SHROOM3: variants seen among roughly 807,000 people sequenced by gnomAD.
The protein encoded by SHROOM3 is protein Shroom3.
Under a neutral mutation model 138.6 loss-of-function variants are expected in SHROOM3, and 47 were observed. The ratio of observed to expected loss-of-function variants is 0.34; its 90% CI spans 0.27 to 0.43. SHROOM3 has a LOEUF of 0.43. SHROOM3 is among the 20% of genes least tolerant of loss of function. The probability of loss-of-function intolerance (pLI) is 1.00; values close to 1 mark genes in which losing one functional copy is unlikely to be tolerated. For missense variants in SHROOM3, 2,491 were observed against 2,596.5 expected (o/e 0.96, Z 0.88); for synonymous variants, 1,062 against 1,063.3 (o/e 1.00, Z 0.02).
chr4:76,631,930 G>C (rs994722322), intron 2 of SHROOM3, among the ~76,000 whole-genome samples: 1 of 152,136 alleles, frequency 6.6e-6, no homozygotes, highest in Non-Finnish European at 1.5e-5. Context: ...CTGAAGTGAT[G>C]AAATTTGGGA....
chr4:76,539,556 G>A (rs897481527), intron 1 of SHROOM3, among the ~76,000 whole-genome samples: 1 of 152,104 alleles, frequency 6.6e-6, no homozygotes, highest in African/African-American at 2.4e-5. Context: ...AACATTTATT[G>A]GGCATTTATT....
chr4:76,654,646 G>A (rs1345980815), intron 2 of SHROOM3, among the ~76,000 whole-genome samples: 1 of 152,094 alleles, frequency 6.6e-6, no homozygotes, highest in Admixed American at 6.5e-5. Flanking sequence ...TGGGAAATAG[G>A]GGACAGGATT....
At chr4:76,554,421 T>G (rs1433957256) in intron 1 of SHROOM3, among the ~76,000 whole-genome samples, 4 of 30,066 alleles carry the variant, frequency 1.3e-4, no homozygotes, top group African/African-American at 4.2e-4. Context: ...TTGTTTGTGT[T>G]TTTTTTTTTT....
chr4:76,725,631 C>T (rs763291843), intron 3 of SHROOM3, among the ~76,000 whole-genome samples: 4 of 152,232 alleles, frequency 2.6e-5, no homozygotes, highest in Non-Finnish European at 5.9e-5. Flanking sequence ...TCACCTCCCT[C>T]ACTTCTCCCT....
At chr4:76,759,866 T>A (rs1374562888) in intron 9 of SHROOM3, among the ~76,000 whole-genome samples, 171 bp downstream of exon 9, 1 of 152,162 alleles carries the variant, frequency 6.6e-6, no homozygotes, top group Non-Finnish European at 1.5e-5. Flanking sequence ...TTTAACTAAT[T>A]TCCTCTTAGC....
In SHROOM3 at chr4:76,673,781, T is replaced by A. The variant is rs1044831562; in HGVS notation, c.324-36375T>A. The stretch of plus-strand genomic sequence containing the variant: ...TATATTCACATTGTGGTACAACAGA[T>A]CTCCTGAACTTTTTCATCTTGCAAA... On this transcript the variant is annotated intron_variant, in intron 2 of 10. Coordinates refer to ENST00000296043, the MANE Select transcript of SHROOM3 (RefSeq NM_020859.4). 2.6e-5 allele frequency among the ~76,000 whole-genome samples: 4 copies of A among 152,230 alleles called. No homozygotes were observed. The South Asian group carries it at 8.3e-4, about 32-fold the overall frequency.
At chr4:76,682,099 G>A (rs1477838478) in intron 2 of SHROOM3, among the ~76,000 whole-genome samples, 1 of 152,134 alleles carries the variant, frequency 6.6e-6, no homozygotes, top group Non-Finnish European at 1.5e-5. Context: ...AGAAAAACTG[G>A]CTCTAATTGA....
chr4:76,541,625 G>GCACACACACA (rs149127524), intron 1 of SHROOM3, among the ~76,000 whole-genome samples: 2 of 148,556 alleles, frequency 1.3e-5, no homozygotes, highest in Non-Finnish European at 3.0e-5. Flanking sequence ...ATATGTGGGC[G>GCACACACACA]CACACACACA....
intron 2 of SHROOM3, among the ~76,000 whole-genome samples, chr4:76,687,986 C>A (rs1013244885): frequency 2.6e-5 from 4 of 152,216 alleles, no homozygotes; most frequent in South Asian, 2.1e-4. Context: ...TACTCCCCCC[C>A]ACGCGCAATG....
intron 9 of SHROOM3, among the ~76,000 whole-genome samples, chr4:76,760,930 T>C (rs542919229): frequency 1.7e-4 from 26 of 152,178 alleles, no homozygotes; most frequent in Non-Finnish European, 2.9e-4. Context: ...TTTTACACAA[T>C]TTTTTTGTTA....
rs751201196 is a variant in SHROOM3, at chr4:76,740,245, G to A, written c.2072G>A (p.Gly691Asp). The A allele has an allele frequency of 8.1e-6, 13 of 1,613,312 alleles. No homozygotes were observed. Among genetic ancestry groups the A allele is most frequent in the Non-Finnish European group, 1.1e-5 (13 of 1,180,038 alleles). The change falls in exon 5 of 11, where the codon GGC (glycine) becomes GAC (aspartate). Residue 691 changes from glycine (G) to aspartate (D), a missense_variant. By Grantham distance (94) the Gly-to-Asp change is moderately conservative. Around this residue, in one of 4 missense-constraint regions of SHROOM3, gnomAD observed 1,733 missense variants for 1,661.6 expected, o/e 1.04. Coordinates refer to ENST00000296043, the MANE Select transcript of SHROOM3 (RefSeq NM_020859.4). The surrounding 1 kb of genome is among the most constrained non-coding windows in gnomAD (Gnocchi z 4.0). The part of the protein sequence containing the change: ...GRGTQEGYPG[G>D]RPTCAVNTKA... ...GGAACCCAGGAGGGTTACCCCGGGG[G>A]CAGGCCCACCTGTGCAGTCAACACC...
At chr4:76,558,390 G>T (rs79362478) in intron 2 of SHROOM3, among the ~76,000 whole-genome samples, 1 of 152,148 alleles carries the variant, frequency 6.6e-6, no homozygotes, top group East Asian at 1.9e-4. Context: ...AGTACACAGT[G>T]GATATGCAAT....
intron 2 of SHROOM3, among the ~76,000 whole-genome samples, chr4:76,608,518 G>T (rs1353632661): frequency 6.9e-6 from 1 of 144,306 alleles, no homozygotes; most frequent in Non-Finnish European, 1.5e-5. Flanking sequence ...TTGATTGATT[G>T]GACAGAGATG....
chr4:76,739,833 C>G lies in SHROOM3; in HGVS notation c.1660C>G (p.Pro554Ala). Residue 554 changes from proline to alanine, a missense_variant, in exon 5 of 11, where the codon CCC becomes GCC. Around this residue, in one of 4 missense-constraint regions of SHROOM3, gnomAD observed 1,733 missense variants for 1,661.6 expected, o/e 1.04. Transcript: ENST00000296043. ...ACCAGAAGCTACAGCCAAGTATGTC[C>G]CCTCCAAAGTCCATTTCTGTTCAGT... The part of the protein sequence containing the change: ...KKPEATAKYV[P>A]SKVHFCSVPE... 6.2e-7 allele frequency: 1 copy of G among 1,614,182 alleles called. No individual in the cohort carries two copies. The highest frequency in any genetic ancestry group is 8.5e-7 in the Non-Finnish European group (1 of 1,180,038).
intron 2 of SHROOM3, among the ~76,000 whole-genome samples, chr4:76,585,464 T>C (rs1734133406): frequency 6.6e-6 from 1 of 152,208 alleles, no homozygotes; most frequent in Non-Finnish European, 1.5e-5. Flanking sequence ...AGCTGACCCC[T>C]ACAGTCTGGG....
At chr4:76,466,601 C>T (rs961342086) in intron 1 of SHROOM3, among the ~76,000 whole-genome samples, 3 of 152,172 alleles carry the variant, frequency 2.0e-5, no homozygotes, top group Non-Finnish European at 4.4e-5. Flanking sequence ...CTGCTGTTTT[C>T]TGGATTCTTT....
At chr4:76,549,625 C>T (rs950262622) in intron 1 of SHROOM3, among the ~76,000 whole-genome samples, 2 of 152,082 alleles carry the variant, frequency 1.3e-5, no homozygotes, top group Non-Finnish European at 2.9e-5. Context: ...CCTTGGCCTC[C>T]CAAAGTGCTG....
At chr4:76,440,985 C>G (rs181322629) in intron 1 of SHROOM3, among the ~76,000 whole-genome samples, 1 of 151,600 alleles carries the variant, frequency 6.6e-6, no homozygotes, top group East Asian at 1.9e-4. Flanking sequence ...CTCACTGACT[C>G]TATTTCATCA....
chr4:76,608,589 GCA>G (rs1734679153), intron 2 of SHROOM3, among the ~76,000 whole-genome samples: 6 of 149,080 alleles, frequency 4.0e-5, no homozygotes, highest in African/African-American at 1.5e-4. Flanking sequence ...GCATAGCATA[GCA>G]TAGCATAGCA....
Sources: gnomAD v4.1 joint callset for allele counts (sites outside exome capture counted in the v4.1 genomes callset) on GRCh38, gnomAD v4.1.1 for gene constraint, gnomAD v4.1.1 regional missense constraint, Gnocchi (gnomAD v3.1) non-coding constraint, MANE v1.5 for transcripts, NCBI Gene and HGNC (gene_info 2026-07-23, HGNC 2026-07-21) for gene names.